The following DCBLD2 variants were observed in gnomAD, a reference collection of about 807,000 sequenced individuals.
DCBLD2 encodes discoidin, CUB and LCCL domain-containing protein 2.
Under a neutral mutation model 86.8 loss-of-function variants are expected in DCBLD2, and 54 were observed. The ratio of observed to expected loss-of-function variants is 0.62; its 90% CI spans 0.50 to 0.78. The LOEUF is 0.78. Among genes scored for constraint, DCBLD2 ranks in the 30% least tolerant of loss-of-function variants. The probability of loss-of-function intolerance (pLI) is 0.00; values close to 1 mark genes in which losing one functional copy is unlikely to be tolerated. For missense variants in DCBLD2, 908 were observed against 954.2 expected (o/e 0.95, Z 0.64); for synonymous variants, 354 against 341.3 (o/e 1.04, Z -0.41).
chr3:98,889,134 A>AT (rs1455551483), intron 1 of DCBLD2, among the ~76,000 whole-genome samples: 2 of 151,952 alleles, frequency 1.3e-5, no homozygotes, highest in African/African-American at 4.8e-5. Flanking sequence ...CTTCTTGAGC[A>AT]TATATCTGCC....
At chr3:98,887,219 C>A (rs1356572539) in intron 1 of DCBLD2, among the ~76,000 whole-genome samples, 2 of 151,502 alleles carry the variant, frequency 1.3e-5, no homozygotes. Flanking sequence ...GTGAGTCTGA[C>A]TATACTTGCT....
chr3:98,823,822 C>T (rs528241063), intron 4 of DCBLD2, among the ~76,000 whole-genome samples: 101 of 152,286 alleles, frequency 6.6e-4, no homozygotes, highest in Non-Finnish European at 1.2e-3. Flanking sequence ...GAACTGTATG[C>T]CCATTCACAC....
At chr3:98,876,793 CTA>C in intron 2 of DCBLD2, among the ~76,000 whole-genome samples, 1 of 152,120 alleles carries the variant, frequency 6.6e-6, no homozygotes, top group Non-Finnish European at 1.5e-5. Context: ...ATTAAATAAA[CTA>C]TGATACATCC....
intron 1 of DCBLD2, among the ~76,000 whole-genome samples, chr3:98,896,577 CAG>C (rs1366132263): frequency 1.3e-5 from 2 of 152,038 alleles, no homozygotes; most frequent in Non-Finnish European, 2.9e-5. Context: ...AAAGATTATG[CAG>C]GTATGTGAAT....
At position 98,870,824 on chromosome 3, in the gene DCBLD2, A is replaced by T. The variant is rs143848557; in HGVS notation, c.433+10716T>A. 4.7e-3 allele frequency among the ~76,000 whole-genome samples: 719 copies of T among 151,890 alleles called. 6 individuals are homozygous for T. Among genetic ancestry groups the T allele is most frequent in the African/African-American group, 0.016 (677 of 41,348 alleles). ...AAGAAAGAAAGAAAGGTAGGCAGGCATTGGTGGTATTTTGATAGGAACTCT... is the reference window on the plus strand; with the variant it reads ...AAGAAAGAAAGAAAGGTAGGCAGGCTTTGGTGGTATTTTGATAGGAACTCT... On this transcript the variant is annotated intron_variant, in intron 2 of 15. Coordinates refer to ENST00000326840, the MANE Select transcript of DCBLD2 (RefSeq NM_080927.4).
chr3:98,800,406 T>C (rs1439747754), intron 15 of DCBLD2, among the ~76,000 whole-genome samples, 173 bp downstream of exon 15: 2 of 152,174 alleles, frequency 1.3e-5, no homozygotes, highest in African/African-American at 4.8e-5. Context: ...ATATCCAAGA[T>C]ACAGAAATGA....
chr3:98,876,481 C>T (rs1576198304), intron 2 of DCBLD2, among the ~76,000 whole-genome samples: 4 of 133,304 alleles, frequency 3.0e-5, no homozygotes, highest in Admixed American at 2.9e-4. Context: ...CAATTTCACT[C>T]ATAGTAAGAG....
At chr3:98,898,503 T>C (rs894308275) in intron 1 of DCBLD2, among the ~76,000 whole-genome samples, 8 of 151,916 alleles carry the variant, frequency 5.3e-5, no homozygotes, top group Admixed American at 2.0e-4. Flanking sequence ...ACAGAAAATT[T>C]AGAAAAGTAT....
At chr3:98,825,235 A>G (rs1267009387) in intron 4 of DCBLD2, 80 bp downstream of exon 4, 1 of 1,079,986 alleles carries the variant, frequency 9.3e-7, no homozygotes, top group African/African-American at 1.6e-5. Context: ...CCCTAAGAGT[A>G]TACAGAATGA....
At chr3:98,824,966 A>G (rs757251798) in intron 4 of DCBLD2, among the ~76,000 whole-genome samples, 8 of 151,972 alleles carry the variant, frequency 5.3e-5, no homozygotes, top group Non-Finnish European at 1.0e-4. Flanking sequence ...GCAGAATTCT[A>G]TAACAGCCAA....
chr3:98,850,032 C>A (rs1236808335), intron 2 of DCBLD2, among the ~76,000 whole-genome samples: 1 of 152,162 alleles, frequency 6.6e-6, no homozygotes, highest in African/African-American at 2.4e-5. Context: ...TTTGGACCTA[C>A]TCAATTTTAC....
chr3:98,840,285 T>C (rs886190408), intron 3 of DCBLD2, among the ~76,000 whole-genome samples: 1 of 152,214 alleles, frequency 6.6e-6, no homozygotes, highest in African/African-American at 2.4e-5. Flanking sequence ...TGTACATATA[T>C]ATTCGAAGAA....
chr3:98,894,682 TC>T (rs1038350130), intron 1 of DCBLD2, among the ~76,000 whole-genome samples: 1 of 152,048 alleles, frequency 6.6e-6, no homozygotes, highest in Non-Finnish European at 1.5e-5. Flanking sequence ...ATGGCTCTGT[TC>T]CCGGCTCCTG....
At chr3:98,894,749 C>G (rs145650847) in intron 1 of DCBLD2, among the ~76,000 whole-genome samples, 1 of 151,960 alleles carries the variant, frequency 6.6e-6, no homozygotes, top group Admixed American at 6.6e-5. Flanking sequence ...AAGTGCATGC[C>G]GGTGCCAAGG....
At position 98,811,564 on chromosome 3, in the gene DCBLD2, T is replaced by C; in HGVS notation, c.1364-10A>G. Reference sequence around the variant, plus strand: ...AGTTTTGGAGGACGACCTTGAAAAATGGTTTAGAAAAATTTAAACATTTTG... The same window carrying C: ...AGTTTTGGAGGACGACCTTGAAAAACGGTTTAGAAAAATTTAAACATTTTG... On this transcript the variant is annotated splice_polypyrimidine_tract_variant and intron_variant, in intron 10 of 15. Coordinates refer to ENST00000326840, the MANE Select transcript of DCBLD2 (RefSeq NM_080927.4). 6.4e-7 allele frequency: 1 copy of C among 1,560,126 alleles called. No individual in the cohort carries two copies. Among genetic ancestry groups the C allele is most frequent in the East Asian group, 2.3e-5 (1 of 44,244 alleles).
intron 3 of DCBLD2, among the ~76,000 whole-genome samples, chr3:98,839,179 T>TCCTTCCTTCCTTC (rs1559781600): frequency 8.8e-6 from 1 of 113,164 alleles, no homozygotes; most frequent in Non-Finnish European, 1.8e-5. Flanking sequence ...TTCCTTTCTT[T>TCCTTCCTTCCTTC]CTTCCTTCCT....
chr3:98,822,761 A>C lies in DCBLD2; in HGVS notation c.624-20T>G. On this transcript the variant is annotated intron_variant, in intron 4 of 15. Transcript: ENST00000326840. ...TACTTACTGAGAAATGAAAACAAGC[A>C]AAAGGTTACATAATGCTGTATTTTA... The C allele has an allele frequency of 6.4e-7, 1 of 1,565,874 alleles. No individual in the cohort carries two copies. The highest frequency in any genetic ancestry group is 2.3e-5 in the East Asian group (1 of 43,466).
intron 2 of DCBLD2, among the ~76,000 whole-genome samples, chr3:98,854,982 T>C (rs989313498): frequency 6.6e-6 from 1 of 152,124 alleles, no homozygotes; most frequent in Non-Finnish European, 1.5e-5. Context: ...GTACTAACCA[T>C]AAAATAATTA....
Position 98,817,832 on chromosome 3 carries a change from G to A in DCBLD2, c.1149C>T (p.Ile383=), listed in dbSNP as rs768769600. 1 of 1,613,684 alleles carries A rather than the reference G, an allele frequency of 6.2e-7. No homozygotes were observed. The highest frequency in any genetic ancestry group is 8.5e-7 in the Non-Finnish European group (1 of 1,179,730). The part of the protein sequence containing the change: ...EHNYYVSAYR[I]LYSDDGQKWT... ...ATTTCTGCCCATCATCACTGTACAG[G>A]ATTCTGTAGGCAGACACATAGTAAT... is the stretch of plus-strand genomic sequence containing the variant. Residue 383 remains isoleucine (I), a synonymous_variant, in exon 9 of 16, where the codon ATC becomes ATT. Transcript: ENST00000326840.
Sources: gnomAD v4.1 joint callset for allele counts (sites outside exome capture counted in the v4.1 genomes callset) on GRCh38, gnomAD v4.1.1 for gene constraint, MANE v1.5 for transcripts, NCBI Gene and HGNC (gene_info 2026-07-23, HGNC 2026-07-21) for gene names.